Variants in SLCO1A2 observed in about 807,000 individuals in gnomAD.
SLCO1A2 encodes the protein solute carrier organic anion transporter family member 1A2.
In SLCO1A2, 67 loss-of-function variants were observed where a neutral mutation model predicts 69.0. That is an observed-to-expected ratio of 0.97 (90% confidence interval 0.80 to 1.19). The LOEUF (loss-of-function observed/expected upper bound fraction) is 1.19. Ranked by LOEUF, SLCO1A2 falls within the 50% of genes most tolerant of loss-of-function variation. SLCO1A2 has a pLI of 0.00. For synonymous variants in SLCO1A2, 260 were observed against 265.9 expected (o/e 0.98, Z 0.22); for missense variants, 787 against 793.7 (o/e 0.99, Z 0.10).
chr12:21,284,472 C>G (rs1250445993), intron 12 of SLCO1A2, among the ~76,000 whole-genome samples: 1 of 151,750 alleles, frequency 6.6e-6, no homozygotes, highest in Admixed American at 6.6e-5. Flanking sequence ...ACAAGGATAC[C>G]CAGGAATTGA....
In SLCO1A2 at chr12:21,304,468, A is replaced by G. The variant is rs138014050; in HGVS notation, c.548T>C (p.Ile183Thr). 6.2e-4 allele frequency: 993 copies of G among 1,612,808 alleles called. No homozygotes were observed. The highest frequency in any genetic ancestry group is 8.1e-4 in the Non-Finnish European group (959 of 1,178,986). ...TPILPLGISYIEDFAKFENSP... is the reference protein window; with the variant it reads ...TPILPLGISYTEDFAKFENSP... ...ATTTTCAAATTTGGCAAAATCTTCTATATAGGAAATACCCAAAGGCAGGAT... is the reference window on the plus strand; with the variant it reads ...ATTTTCAAATTTGGCAAAATCTTCTGTATAGGAAATACCCAAAGGCAGGAT... The change falls in exon 6 of 15, where the codon ATA becomes ACA. Residue 183 changes from isoleucine to threonine, a missense_variant. Ile to Thr is a moderately conservative substitution (Grantham distance 89). Transcript: ENST00000683939.
At chr12:21,373,807 C>A in intron 2 of SLCO1A2, 1 of 630,702 alleles carries the variant, frequency 1.6e-6, no homozygotes, top group Non-Finnish European at 2.8e-6. Context: ...TATTTTTATA[C>A]CAAGTGGATT....
At chr12:21,364,912 G>A (rs1053104572) in intron 2 of SLCO1A2, among the ~76,000 whole-genome samples, 5 of 152,154 alleles carry the variant, frequency 3.3e-5, no homozygotes, top group Admixed American at 6.5e-5. Flanking sequence ...CAAACAAATG[G>A]AAGAACATTT....
intron 2 of SLCO1A2, among the ~76,000 whole-genome samples, chr12:21,327,035 C>T (rs559166773): frequency 1.5e-3 from 226 of 152,212 alleles, no homozygotes; most frequent in Non-Finnish European, 2.9e-3. Flanking sequence ...CCATCACAGG[C>T]CCAGAGGCCT....
At chr12:21,404,361 C>T (rs1941788327) in intron 1 of SLCO1A2, among the ~76,000 whole-genome samples, 2 of 152,132 alleles carry the variant, frequency 1.3e-5, no homozygotes, top group Non-Finnish European at 2.9e-5. Context: ...GCCCCACGTG[C>T]ATTAGCTATT....
intron 10 of SLCO1A2, 170 bp from the exon 11 acceptor site, chr12:21,294,280 CTGCTT>C (rs1396614479): frequency 2.1e-6 from 1 of 486,030 alleles, no homozygotes; most frequent in Non-Finnish European, 3.6e-6. Context: ...TAAAAGAGAC[CTGCTT>C]TGATGACCAC....
intron 1 of SLCO1A2, among the ~76,000 whole-genome samples, chr12:21,408,797 C>A (rs888857609): frequency 1.3e-5 from 2 of 152,060 alleles, no homozygotes; most frequent in South Asian, 4.2e-4. Context: ...AGAATAGTCA[C>A]GGCAAAAAGT....
chr12:21,409,594 A>C (rs1299814297), intron 1 of SLCO1A2, among the ~76,000 whole-genome samples: 2 of 152,200 alleles, frequency 1.3e-5, no homozygotes, highest in African/African-American at 4.8e-5. Context: ...TTCTGGTAGC[A>C]GTAGTGGCCA....
chr12:21,290,055 G>C (rs1343017530), intron 12 of SLCO1A2, among the ~76,000 whole-genome samples: 1 of 151,892 alleles, frequency 6.6e-6, no homozygotes, highest in Non-Finnish European at 1.5e-5. Context: ...CTGTGTGGCT[G>C]TATGTACATA....
In SLCO1A2 at chr12:21,318,675, C is replaced by T. The variant is rs552429800; in HGVS notation, c.202+107G>A. ...AGTTAGTTTTAGAAAACTTATAACTCGGTCAGATTAAATGACCTAAAACAG... is the reference window on the plus strand; with the variant it reads ...AGTTAGTTTTAGAAAACTTATAACTTGGTCAGATTAAATGACCTAAAACAG... On this transcript the variant is annotated intron_variant, in intron 3 of 14. Transcript: ENST00000683939. 1.6e-4 allele frequency: 139 copies of T among 879,686 alleles called. No individual in the cohort carries two copies. The African/African-American group carries it at 2.2e-3, about 14-fold the overall frequency. 54.5% of individuals were successfully genotyped at this position (879,686 alleles called of 1,614,324 possible).
intron 3 of SLCO1A2, among the ~76,000 whole-genome samples, chr12:21,317,510 A>G (rs1249681886): frequency 6.6e-6 from 1 of 152,108 alleles, no homozygotes; most frequent in East Asian, 1.9e-4. Context: ...GACCTTGTAT[A>G]TATCTATGCT....
At chr12:21,347,321 A>G (rs1953286044) in intron 2 of SLCO1A2, among the ~76,000 whole-genome samples, 1 of 152,184 alleles carries the variant, frequency 6.6e-6, no homozygotes, top group Non-Finnish European at 1.5e-5. Flanking sequence ...AGAAACAACA[A>G]CCAAGAAAAT....
upstream of SLCO1A2, among the ~76,000 whole-genome samples, chr12:21,338,885 G>A (rs1952976859): frequency 6.6e-6 from 1 of 151,788 alleles, no homozygotes; most frequent in Non-Finnish European, 1.5e-5. Flanking sequence ...ATTTATTTAT[G>A]TATTTTTCAC....
At chr12:21,320,036 A>G (rs1951406360) in intron 2 of SLCO1A2, among the ~76,000 whole-genome samples, 3 of 152,172 alleles carry the variant, frequency 2.0e-5, no homozygotes, top group Admixed American at 2.0e-4. Flanking sequence ...GGTGGTCTTC[A>G]GTCACATGCC....
intron 1 of SLCO1A2, chr12:21,378,479 A>T (rs1735586408): frequency 5.6e-6 from 8 of 1,428,970 alleles, no homozygotes; most frequent in Non-Finnish European, 7.9e-6. Context: ...TTTCCTGTAT[A>T]ATTTAACAGT....
rs1196420952 is a variant in SLCO1A2, at chr12:21,299,765, C to CGT, written c.910+581_910+582dup. Reference sequence around the variant, plus strand: ...TTGAGCAAATGGGACCATATATATACGTGTGTATATATATATATATATATA... The same window carrying CGT: ...TTGAGCAAATGGGACCATATATATACGTGTGTGTATATATATATATATATATA... On this transcript the variant is annotated intron_variant, in intron 8 of 14. Transcript: ENST00000683939. Among the ~76,000 whole-genome samples, 546 of 133,554 alleles carry CGT rather than the reference C, an allele frequency of 4.1e-3. 1 individual carries two copies. Among genetic ancestry groups the CGT allele is most frequent in the Non-Finnish European group, 5.6e-3 (342 of 61,588 alleles). 87.6% of individuals were successfully genotyped at this position (133,554 alleles called of 152,430 possible).
chr12:21,289,076 T>A (rs1306239434), intron 12 of SLCO1A2, among the ~76,000 whole-genome samples: 1 of 151,712 alleles, frequency 6.6e-6, no homozygotes, highest in African/African-American at 2.4e-5. Context: ...TATAAATCAG[T>A]TTAAAATCAT....
Position 21,295,656 on chromosome 12 carries a change from TA to T in SLCO1A2, c.1211del (p.Leu404TyrfsTer5). On this transcript the variant is annotated frameshift_variant, in exon 10 of 15. Coordinates refer to ENST00000683939, the MANE Select transcript of SLCO1A2 (RefSeq NM_001386879.1). LOFTEE classifies it high-confidence loss of function. Reference sequence around the variant, plus strand: ...AATTTTCACAAGTCATGAGAAAAGATAAAAAATAGAGAAGATACTCAAGTAA... The same window carrying T: ...AATTTTCACAAGTCATGAGAAAAGATAAAAATAGAGAAGATACTCAAGTAA... ...LSLLEYLLYF[L>X]SFLMTCENSS... The T allele has an allele frequency of 6.2e-7, 1 of 1,606,776 alleles. No homozygotes were observed.
At chr12:21,315,688 C>T (rs143409217) in intron 3 of SLCO1A2, among the ~76,000 whole-genome samples, 25 of 152,242 alleles carry the variant, frequency 1.6e-4, no homozygotes, top group African/African-American at 5.8e-4. Context: ...ATATGGAGAG[C>T]GCCCCACCGC....
Sources: allele counts gnomAD v4.1 joint callset (sites outside exome capture counted in the v4.1 genomes callset), GRCh38; gene constraint gnomAD v4.1.1; transcripts MANE v1.5; gene names NCBI Gene and HGNC (gene_info 2026-07-23, HGNC 2026-07-21).